Variants in DOCK4 observed in about 807,000 individuals in gnomAD.
DOCK4 encodes dedicator of cytokinesis 4.
DOCK4 carries 97 observed loss-of-function variants against 268.1 expected under a neutral mutation model. The ratio of observed to expected loss-of-function variants is 0.36; its 90% confidence interval spans 0.31 to 0.43. DOCK4 has a LOEUF of 0.43. DOCK4 is among the 20% of genes least tolerant of loss of function. The probability of loss-of-function intolerance (pLI) is 1.00; values close to 1 mark genes in which losing one functional copy is unlikely to be tolerated. For missense variants in DOCK4, 2,145 were observed against 2,455.7 expected (o/e 0.87, Z 2.67); for synonymous variants, 954 against 887.2 (o/e 1.08, Z -1.34).
chr7:112,192,063 TTGTG>T (rs60657572), intron 1 of DOCK4, among the ~76,000 whole-genome samples: 2,174 of 149,072 alleles, frequency 0.015, 54 homozygotes, highest in African/African-American at 0.05. Context: ...GTGTTTGTGC[TTGTG>T]TGTGTGTATA....
intron 12 of DOCK4, among the ~76,000 whole-genome samples, chr7:111,934,537 T>A (rs915931880): frequency 6.9e-6 from 1 of 144,270 alleles, no homozygotes. Context: ...TTTTTTTTTT[T>A]TTTTTTTTTT....
rs762163871 is a variant in DOCK4 at position 111,736,958 on chromosome 7, G to A, written c.5264C>T (p.Ala1755Val). Residue 1755 changes from alanine (A) to valine (V), a missense_variant, in exon 50 of 53, where the codon GCC becomes GTC. By Grantham distance (64) the Ala-to-Val change is moderately conservative. Transcript: ENST00000428084. Reference sequence around the variant, plus strand: ...GAGATTTGGGTCACTGCGTGGCAAGGCCCCGTCTCCAATATGATTAAACAG... The same window carrying A: ...GAGATTTGGGTCACTGCGTGGCAAGACCCCGTCTCCAATATGATTAAACAG... ...RMLFNHIGDG[A>V]LPRSDPNLSA... 1 of 1,605,038 alleles carries A rather than the reference G, an allele frequency of 6.2e-7. No homozygotes were observed. Among genetic ancestry groups the A allele is most frequent in the Non-Finnish European group, 8.5e-7 (1 of 1,175,708 alleles).
intron 7 of DOCK4, 66 bp downstream of exon 7, chr7:111,984,240 A>G: frequency 7.3e-7 from 1 of 1,374,544 alleles, no homozygotes; most frequent in Non-Finnish European, 1.0e-6. Flanking sequence ...TCAAGCAAGT[A>G]TGAGGAGTGC....
chr7:112,200,354 A>T (rs904084806), intron 1 of DOCK4, among the ~76,000 whole-genome samples: 1 of 152,196 alleles, frequency 6.6e-6, no homozygotes, highest in Non-Finnish European at 1.5e-5. Flanking sequence ...GTCAAACAAG[A>T]TTAAAAGCTA....
intron 20 of DOCK4, among the ~76,000 whole-genome samples, chr7:111,871,099 C>A (rs961337620): frequency 6.6e-6 from 1 of 152,158 alleles, no homozygotes; most frequent in Admixed American, 6.5e-5. Context: ...TATCTGATAA[C>A]CTATTAACCT....
intron 1 of DOCK4, among the ~76,000 whole-genome samples, chr7:112,148,802 G>A (rs1426652270): frequency 6.6e-6 from 1 of 152,094 alleles, no homozygotes; most frequent in Non-Finnish European, 1.5e-5. Flanking sequence ...TCAGGTTTCT[G>A]AAAGGAATTA....
At chr7:112,082,452 A>ACCTT (rs1368927962) in intron 1 of DOCK4, among the ~76,000 whole-genome samples, 3 of 152,088 alleles carry the variant, frequency 2.0e-5, no homozygotes, top group African/African-American at 7.2e-5. Context: ...TACAAAATCT[A>ACCTT]CCTTCCCTAC....
At chr7:111,840,860 A>C (rs753653675) in intron 25 of DOCK4, 1 of 1,350,456 alleles carries the variant, frequency 7.4e-7, no homozygotes, top group South Asian at 1.1e-5. Context: ...CCTATTCAGA[A>C]AGCCTGTTCT....
chr7:112,193,814 C>G lies in DOCK4; in HGVS notation c.37+12288G>C, dbSNP rs922328841. 5.9e-5 allele frequency among the ~76,000 whole-genome samples: 9 copies of G among 151,860 alleles called. No homozygotes were observed. In the South Asian group the frequency reaches 1.9e-3, roughly 32 times the overall value. On this transcript the variant is annotated intron_variant, in intron 1 of 52. Coordinates refer to ENST00000428084, the MANE Select transcript of DOCK4 (RefSeq NM_001363540.2). ...GGGCTGCCATATAAAGTACCACAGG[C>G]TCGGTGTTCTAAAGCATGGAAGTCC...
intron 4 of DOCK4, 109 bp from the exon 5 acceptor site, chr7:111,994,340 T>C (rs1799760527): frequency 1.3e-5 from 8 of 600,536 alleles, no homozygotes; most frequent in Non-Finnish European, 1.9e-5. Flanking sequence ...CTATTGTTCG[T>C]TCTACAGACA....
At chr7:111,755,426 G>A in intron 42 of DOCK4, 89 bp downstream of exon 42, 1 of 1,248,308 alleles carries the variant, frequency 8.0e-7, no homozygotes, top group South Asian at 1.3e-5. Context: ...CAGAGAATCT[G>A]GGTCGAAGGA....
chr7:111,957,931 CT>C (rs201395231), intron 8 of DOCK4, among the ~76,000 whole-genome samples: 2 of 152,064 alleles, frequency 1.3e-5, no homozygotes, highest in Non-Finnish European at 2.9e-5. Context: ...TTTTTATGTA[CT>C]TTTTTTAGCA....
chr7:111,849,036 C>T (rs1049483716), intron 23 of DOCK4, among the ~76,000 whole-genome samples: 7 of 152,164 alleles, frequency 4.6e-5, no homozygotes, highest in African/African-American at 7.2e-5. Context: ...ACTTTGTAAC[C>T]GGGCCCTAGA....
chr7:112,203,488 A>AT (rs1821123980), intron 1 of DOCK4, among the ~76,000 whole-genome samples: 1 of 152,216 alleles, frequency 6.6e-6, no homozygotes, highest in African/African-American at 2.4e-5. Context: ...AAATTTAATC[A>AT]TAAGTATATA....
At chr7:111,978,987 T>C (rs1798407184) in intron 7 of DOCK4, among the ~76,000 whole-genome samples, 1 of 152,178 alleles carries the variant, frequency 6.6e-6, no homozygotes, top group Admixed American at 6.5e-5. Context: ...TGGATCACTT[T>C]GACAATTAAA....
intron 13 of DOCK4, among the ~76,000 whole-genome samples, chr7:111,909,449 T>C (rs1586339052): frequency 6.6e-6 from 1 of 152,240 alleles, no homozygotes; most frequent in Non-Finnish European, 1.5e-5. Context: ...ATTTGACTTA[T>C]TTGAACTATA....
At chr7:111,964,228 G>GACA (rs1562943449) in intron 8 of DOCK4, among the ~76,000 whole-genome samples, 1 of 122,496 alleles carries the variant, frequency 8.2e-6, no homozygotes, top group African/African-American at 4.2e-5. Context: ...GACGAGCTGA[G>GACA]AGAAGGCTTC....
chr7:111,781,291 T>C (rs1435335881), intron 35 of DOCK4, among the ~76,000 whole-genome samples: 1 of 152,196 alleles, frequency 6.6e-6, no homozygotes, highest in Non-Finnish European at 1.5e-5. Context: ...CTAAAGCTTA[T>C]CAAGCACTTA....
Position 111,988,938 on chromosome 7 carries a change from C to T in DOCK4, c.464+77G>A, listed in dbSNP as rs947131732. On this transcript the variant is annotated intron_variant, in intron 6 of 52. Transcript: ENST00000428084. ...CATAGGATTGCTTCCAGTGACATTA[C>T]CACGTTCTGGCTCAGGCCTATGTCA... The T allele has an allele frequency of 7.2e-6, 11 of 1,519,668 alleles. No homozygotes were observed. In the South Asian group the frequency reaches 1.1e-4, roughly 15 times the overall value. 94.1% of individuals were successfully genotyped at this position (1,519,668 alleles called of 1,614,324 possible). A position where few individuals can be genotyped will look rare whatever the true frequency, so the allele number is the denominator to read the frequency against.
Sources: allele counts gnomAD v4.1 joint callset (sites outside exome capture counted in the v4.1 genomes callset), GRCh38; gene constraint gnomAD v4.1.1; transcripts MANE v1.5; gene names NCBI Gene and HGNC (gene_info 2026-07-23, HGNC 2026-07-21).